The following ATG4A variants were observed in gnomAD, a reference collection of about 807,000 sequenced individuals.
ATG4A encodes autophagy related 4A cysteine peptidase.
In ATG4A, 22 loss-of-function variants were observed where a neutral mutation model predicts 38.4. The ratio of observed to expected loss-of-function variants is 0.57; its 90% CI spans 0.41 to 0.82. The LOEUF (loss-of-function observed/expected upper bound fraction) is 0.82, where lower values mean the gene tolerates loss of function less well. Among genes scored for constraint, ATG4A ranks in the 40% least tolerant of loss-of-function variants. ATG4A has a pLI of 0.00. For synonymous variants in ATG4A, 86 were observed against 100.7 expected (o/e 0.85, Z 0.88); for missense variants, 220 against 290.0 (o/e 0.76, Z 1.75).
intron 9 of ATG4A, among the ~76,000 whole-genome samples, chrX:108,143,457 A>G (rs764776353): frequency 9.0e-6 from 1 of 111,331 alleles, no homozygotes; most frequent in South Asian, 3.9e-4. Context: ...GCATGGTAAT[A>G]CTAAGAGACA....
chrX:108,121,903 C>G (rs2032661773), intron 1 of ATG4A, among the ~76,000 whole-genome samples: 2 of 111,829 alleles, frequency 1.8e-5, no homozygotes, highest in African/African-American at 6.5e-5. Context: ...CCTACCTATC[C>G]CCTGTGGATG....
At chrX:108,132,798 GAAA>G (rs1336061229) in intron 4 of ATG4A, among the ~76,000 whole-genome samples, 1 of 71,245 alleles carries the variant, frequency 1.4e-5, no homozygotes, top group Non-Finnish European at 2.7e-5. Context: ...GAGCAAACTG[GAAA>G]AAAAAAAAAA....
At chrX:108,141,556 C>T (rs900244096) in intron 9 of ATG4A, among the ~76,000 whole-genome samples, 2 of 111,540 alleles carry the variant, frequency 1.8e-5, no homozygotes, top group African/African-American at 6.5e-5. Context: ...CCAGGGCCCT[C>T]CTGCCCAGTG....
At chrX:108,133,509 G>T (rs886454884) in intron 4 of ATG4A, among the ~76,000 whole-genome samples, 5 of 112,484 alleles carry the variant, frequency 4.4e-5, no homozygotes, top group African/African-American at 1.6e-4. Context: ...AAAAGGTGGT[G>T]TAAAAACGAC....
chrX:108,149,558 G>A (rs746420672), intron 9 of ATG4A, among the ~76,000 whole-genome samples: 75 of 112,714 alleles, frequency 6.7e-4, no homozygotes, highest in African/African-American at 2.1e-3. Flanking sequence ...TTTCTGACAG[G>A]AACTTACTAA....
intron 1 of ATG4A, among the ~76,000 whole-genome samples, chrX:108,115,866 A>C (rs759566176): frequency 3.6e-4 from 41 of 112,540 alleles, no homozygotes; most frequent in Admixed American, 8.5e-4. Context: ...CCACTTTATG[A>C]AGAGCCACTA....
intron 1 of ATG4A, among the ~76,000 whole-genome samples, chrX:108,105,762 G>T (rs781742802): frequency 9.0e-6 from 1 of 111,056 alleles, no homozygotes; most frequent in Admixed American, 9.5e-5. Context: ...ACCTCTTCCT[G>T]GTTCCTTGAG....
At chrX:108,151,523 C>A (rs769229370) in intron 10 of ATG4A, among the ~76,000 whole-genome samples, 2 of 112,391 alleles carry the variant, frequency 1.8e-5, no homozygotes, top group South Asian at 7.4e-4. Flanking sequence ...ATTAACCCTA[C>A]ACTTTGAAGA....
upstream of ATG4A, chrX:108,091,723 G>A (rs929009540): frequency 2.7e-6 from 3 of 1,098,418 alleles, no homozygotes; most frequent in African/African-American, 5.5e-5. Flanking sequence ...TGCCCTCACA[G>A]ACTTGGCCCC....
At chrX:108,088,990 A>C (rs2031532095), upstream of ATG4A, 2 of 405,584 alleles carry the variant, frequency 4.9e-6, no homozygotes, top group East Asian at 3.8e-5. Context: ...CTTAAACTAT[A>C]TTACTTACTG....
intron 9 of ATG4A, among the ~76,000 whole-genome samples, chrX:108,146,781 GCATTTC>G (rs1316857186): frequency 1.8e-5 from 2 of 111,322 alleles, no homozygotes; most frequent in African/African-American, 6.5e-5. Flanking sequence ...GGGAGATCAG[GCATTTC>G]CATCTCGTTC....
At chrX:108,125,999 G>A in intron 1 of ATG4A, 78 bp from the exon 2 acceptor site, 1 of 630,138 alleles carries the variant, frequency 1.6e-6, no homozygotes, top group South Asian at 2.8e-5. Flanking sequence ...TCACCTTCAG[G>A]GTAAAGGTAA....
rs1334833861 is a variant in ATG4A, at chrX:108,138,107, C to T, written c.736-6C>T. On this transcript the variant is annotated splice_region_variant and splice_polypyrimidine_tract_variant and intron_variant, in intron 8 of 12. Transcript: ENST00000372232. Reference sequence around the variant, plus strand: ...GTTGAGAATCTTGCATTGTCTTTCTCTCCAGGAGTGTTTTAAGATGCCACA... The same window carrying T: ...GTTGAGAATCTTGCATTGTCTTTCTTTCCAGGAGTGTTTTAAGATGCCACA... 1 of 1,209,260 alleles carries T rather than the reference C, an allele frequency of 8.3e-7. No individual in the cohort carries two copies. The highest frequency in any genetic ancestry group is 1.1e-6 in the Non-Finnish European group (1 of 893,109).
chrX:108,139,548 AT>A (rs1315979176), intron 9 of ATG4A, among the ~76,000 whole-genome samples: 1 of 112,574 alleles, frequency 8.9e-6, no homozygotes, highest in Non-Finnish European at 1.9e-5. Flanking sequence ...GAGCCCAAGA[AT>A]TACAGCTAAA....
intron 2 of ATG4A, chrX:108,127,114 T>G (rs1341149084): frequency 7.6e-6 from 1 of 130,840 alleles, no homozygotes; most frequent in Non-Finnish European, 1.5e-5. Context: ...TGTCTCTTTC[T>G]GGATCTTAAC....
In ATG4A at chrX:108,140,568, CATTTAT is replaced by C. The variant is rs1452221776; in HGVS notation, c.814+2379_814+2384del. 6.8e-3 allele frequency among the ~76,000 whole-genome samples: 701 copies of C among 103,832 alleles called. 3 individuals are homozygous for C. Among genetic ancestry groups the C allele is most frequent in the Non-Finnish European group, 0.012 (605 of 51,490 alleles). 90.2% of individuals were successfully genotyped at this position (103,832 alleles called of 115,157 possible). A position where few individuals can be genotyped will look rare whatever the true frequency, so the allele number is the denominator to read the frequency against. On this transcript the variant is annotated intron_variant, in intron 9 of 12. Transcript: ENST00000372232. ...ACATATATACACACACACACACACA[CATTTAT>C]ACATATATATACATATATATACATT...
intron 1 of ATG4A, among the ~76,000 whole-genome samples, chrX:108,100,172 T>C (rs906529378): frequency 2.7e-5 from 3 of 111,504 alleles, no homozygotes; most frequent in Non-Finnish European, 3.8e-5. Flanking sequence ...ATCTTGTATG[T>C]TTTGTTAGAA....
At chrX:108,150,424 G>A in intron 10 of ATG4A, 127 bp downstream of exon 10, 1 of 915,684 alleles carries the variant, frequency 1.1e-6, no homozygotes, top group South Asian at 2.5e-5. Context: ...AGAGGCAGTA[G>A]AGTGTAGTGG....
intron 7 of ATG4A, 89 bp downstream of exon 7, chrX:108,137,259 C>G: frequency 1.2e-6 from 1 of 817,387 alleles, no homozygotes; most frequent in African/African-American, 2.0e-5. Flanking sequence ...GAGAGTCTCT[C>G]TGGTCTTCCC....
Sources: gnomAD v4.1 joint callset for allele counts (sites outside exome capture counted in the v4.1 genomes callset) on GRCh38, gnomAD v4.1.1 for gene constraint, MANE v1.5 for transcripts, NCBI Gene and HGNC (gene_info 2026-07-23, HGNC 2026-07-21) for gene names.